Variants in DNAJC11 observed in about 807,000 individuals in gnomAD.
DNAJC11 encodes dnaJ homolog subfamily C member 11.
A neutral mutation model predicts 78.6 loss-of-function variants in DNAJC11; 15 were observed. The observed-to-expected ratio is 0.19, with a 90% CI of 0.13 to 0.29. DNAJC11 has a LOEUF of 0.29. Among genes scored for constraint, DNAJC11 ranks in the 10% least tolerant of loss-of-function variants. DNAJC11 has a pLI of 1.00. For missense variants in DNAJC11, 547 were observed against 709.6 expected (o/e 0.77, Z 2.60); for synonymous variants, 292 against 272.1 (o/e 1.07, Z -0.72).
At chr1:6,696,436 G>A (rs527497608) in intron 1 of DNAJC11, among the ~76,000 whole-genome samples, 50 of 152,294 alleles carry the variant, frequency 3.3e-4, no homozygotes, top group African/African-American at 1.2e-3. Context: ...CTCCTTCTTT[G>A]TGGGTGACTT....
Position 6,637,280 on chromosome 1 carries a change from T to G in DNAJC11, c.1442A>C (p.Glu481Ala). ...KFVNDKSRKS[E>A]KVKVIDVTVP... ...AGTCACGTCAATCACCTTCACCTTC[T>G]CGCTCTTCCTGCTCTTGTCATTGAC... The change falls in exon 14 of 16, where the codon GAG (glutamate) becomes GCG (alanine). Residue 481 changes from glutamate to alanine, a missense_variant. Glu to Ala is a moderately radical substitution (Grantham distance 107). Coordinates refer to ENST00000377577, the MANE Select transcript of DNAJC11 (RefSeq NM_018198.4). The G allele has an allele frequency of 1.9e-6, 3 of 1,614,102 alleles. No homozygotes were observed. The highest frequency in any genetic ancestry group is 2.5e-6 in the Non-Finnish European group (3 of 1,180,016).
intron 1 of DNAJC11, among the ~76,000 whole-genome samples, chr1:6,695,607 T>C (rs1463931195): frequency 9.0e-6 from 1 of 111,036 alleles, no homozygotes; most frequent in Non-Finnish European, 1.7e-5. Context: ...CTGGCCAACA[T>C]AGTGAAACCC....
intron 3 of DNAJC11, among the ~76,000 whole-genome samples, chr1:6,676,688 A>AAC (rs934208040): frequency 2.0e-5 from 3 of 151,644 alleles, no homozygotes; most frequent in South Asian, 2.1e-4. Flanking sequence ...CTCTCTCACA[A>AAC]ACACACACAC....
At chr1:6,638,033 T>G (rs986180789) in intron 12 of DNAJC11, 29 of 425,898 alleles carry the variant, frequency 6.8e-5, no homozygotes, top group African/African-American at 5.2e-4. Flanking sequence ...TCCCTCCTGC[T>G]CAGTAAAAGG....
Position 6,634,605 on chromosome 1 carries a change from C to T in DNAJC11, c.*1070G>A, listed in dbSNP as rs756421137. 7.3e-7 allele frequency: 1 copy of T among 1,366,352 alleles called. No homozygotes were observed. The highest frequency in any genetic ancestry group is 1.1e-5 in the South Asian group (1 of 87,900). 84.6% of individuals were successfully genotyped at this position (1,366,352 alleles called of 1,614,324 possible). A position where few individuals can be genotyped will look rare whatever the true frequency, so the allele number is the denominator to read the frequency against. On this transcript the variant is annotated 3_prime_UTR_variant, in exon 16 of 16. Coordinates refer to ENST00000377577, the MANE Select transcript of DNAJC11 (RefSeq NM_018198.4). ...GCTGCCACTTCCAGGCCCCGAGAGA[C>T]AGGCCTCACGTAACTTTACTGCAGC... is the stretch of plus-strand genomic sequence containing the variant.
chr1:6,696,676 T>C (rs1474914357), intron 1 of DNAJC11, among the ~76,000 whole-genome samples: 1 of 152,230 alleles, frequency 6.6e-6, no homozygotes, highest in Non-Finnish European at 1.5e-5. Context: ...GGTGATACTT[T>C]TGTACTTCTA....
intron 1 of DNAJC11, among the ~76,000 whole-genome samples, chr1:6,701,289 G>A (rs1231120584): frequency 1.3e-5 from 2 of 152,168 alleles, no homozygotes; most frequent in Non-Finnish European, 2.9e-5. Flanking sequence ...GTTCCCTAGT[G>A]GCCTTGACCT....
In DNAJC11 at chr1:6,645,067, A is replaced by C; in HGVS notation, c.954T>G (p.Asp318Glu). 1.2e-6 allele frequency: 2 copies of C among 1,614,126 alleles called. No individual in the cohort carries two copies. Among genetic ancestry groups the C allele is most frequent in the Admixed American group, 3.3e-5 (2 of 60,012 alleles). The change falls in exon 9 of 16, where the codon GAT (aspartate) becomes GAG (glutamate). Residue 318 changes from aspartate (D) to glutamate (E), a missense_variant. Physicochemically the swap from Asp to Glu is conservative, Grantham distance 45. Transcript: ENST00000377577. This position sits in a 1 kb window ranked among gnomAD's most constrained non-coding sequence, Gnocchi z 4.1. ...TGAGGGATCCTTTCACACGAGTCTGATCGTCATCTTGGAATTTGTGCTGAT... is the reference window on the plus strand; with the variant it reads ...TGAGGGATCCTTTCACACGAGTCTGCTCGTCATCTTGGAATTTGTGCTGAT... ...ISYQHKFQDD[D>E]QTRVKGSLKA... is the part of the protein sequence containing the mutation.
intron 14 of DNAJC11, 136 bp downstream of exon 14, chr1:6,637,062 C>G: frequency 8.7e-7 from 1 of 1,151,578 alleles, no homozygotes; most frequent in Non-Finnish European, 1.2e-6. Flanking sequence ...GTTGCCTAGG[C>G]TGATCTTGAA....
chr1:6,690,655 T>C (rs1474155332), intron 1 of DNAJC11, among the ~76,000 whole-genome samples: 1 of 152,232 alleles, frequency 6.6e-6, no homozygotes, highest in African/African-American at 2.4e-5. Flanking sequence ...CTGGGCGTGG[T>C]GGCTCACGCC....
intron 3 of DNAJC11, among the ~76,000 whole-genome samples, chr1:6,677,155 T>C (rs1310293687): frequency 1.9e-5 from 2 of 105,800 alleles, no homozygotes; most frequent in African/African-American, 3.4e-5. Flanking sequence ...CAAAACTTGG[T>C]CTCAAAAAAA....
At chr1:6,649,759 G>C (rs989996649) in intron 7 of DNAJC11, among the ~76,000 whole-genome samples, 14 of 151,172 alleles carry the variant, frequency 9.3e-5, no homozygotes, top group African/African-American at 3.4e-4. Flanking sequence ...TTAGGCTGGA[G>C]TACAGTGGTG....
chr1:6,672,736 C>T lies in DNAJC11; in HGVS notation c.277-4926G>A, dbSNP rs150758426. Among the ~76,000 whole-genome samples, 910 of 152,262 alleles carry T rather than the reference C, an allele frequency of 6.0e-3. 6 individuals carry two copies. Among genetic ancestry groups the T allele is most frequent in the African/African-American group, 0.02 (849 of 41,534 alleles). ...TGCCAGAGAGGGGAACAGGACTAAG[C>T]CAGCTGTGAGCCGCTCTTCTCCTTA... On this transcript the variant is annotated intron_variant, in intron 3 of 15. Transcript: ENST00000377577.
At chr1:6,683,091 G>A (rs1642579806) in intron 1 of DNAJC11, among the ~76,000 whole-genome samples, 1 of 152,160 alleles carries the variant, frequency 6.6e-6, no homozygotes, top group Non-Finnish European at 1.5e-5. Flanking sequence ...TGAATGAGCA[G>A]CTCCTGGCCT....
At chr1:6,692,647 G>A (rs931945002) in intron 1 of DNAJC11, among the ~76,000 whole-genome samples, 1 of 89,036 alleles carries the variant, frequency 1.1e-5, no homozygotes, top group Non-Finnish European at 2.2e-5. Context: ...TTTTGCTCTT[G>A]TTGCCCAAGA....
In DNAJC11 at chr1:6,645,988, C is replaced by G. The variant is rs575996654; in HGVS notation, c.705-10G>C. ...GTTTGTTGTCACAAAGCTGGAGAGA[C>G]ACAGAGACAGAATAGGTCCTGGATA... On this transcript the variant is annotated splice_polypyrimidine_tract_variant and intron_variant, in intron 7 of 15. Transcript: ENST00000377577. The surrounding 1 kb of genome is among the most constrained non-coding windows in gnomAD (Gnocchi z 4.1). 29 of 1,613,750 alleles carry G rather than the reference C, an allele frequency of 1.8e-5. No homozygotes were observed. Among genetic ancestry groups the G allele is most frequent in the East Asian group, 1.1e-4 (5 of 44,866 alleles).
intron 1 of DNAJC11, among the ~76,000 whole-genome samples, chr1:6,691,188 GAAA>G (rs5772249): frequency 1.6e-5 from 2 of 125,202 alleles, no homozygotes; most frequent in Admixed American, 1.6e-4. Context: ...CCCAAAGACT[GAAA>G]AAAAAAAAAA....
chr1:6,662,128 G>GTTTTT lies in DNAJC11; in HGVS notation c.378+5576_378+5580dup, dbSNP rs1222028818. On this transcript the variant is annotated intron_variant, in intron 4 of 15. Coordinates refer to ENST00000377577, the MANE Select transcript of DNAJC11 (RefSeq NM_018198.4). ...CACCATGCCCAGTTAATTGTTTTTT[G>GTTTTT]TTTTTTGTTTTTTTTTTTTGTAGAG... Among the ~76,000 whole-genome samples the GTTTTT allele has an allele frequency of 4.0e-4, 55 of 137,852 alleles. 2 individuals are homozygous for GTTTTT. The highest frequency in any genetic ancestry group is 6.3e-4 in the African/African-American group (23 of 36,502). The allele number at this position is 137,852 out of a possible 152,430, so 90.4% of individuals were successfully genotyped here. A position where few individuals can be genotyped will look rare whatever the true frequency, so the allele number is the denominator to read the frequency against.
intron 7 of DNAJC11, among the ~76,000 whole-genome samples, chr1:6,647,156 A>T (rs954044638): frequency 7.2e-6 from 1 of 138,846 alleles, no homozygotes; most frequent in Non-Finnish European, 1.5e-5. Flanking sequence ...TTCTCAGCTC[A>T]CTGCAACCTC....
Sources: gnomAD v4.1 joint callset for allele counts (sites outside exome capture counted in the v4.1 genomes callset) on GRCh38, gnomAD v4.1.1 for gene constraint, Gnocchi (gnomAD v3.1) non-coding constraint, MANE v1.5 for transcripts, NCBI Gene and HGNC (gene_info 2026-07-23, HGNC 2026-07-21) for gene names.